DNAH9: variants seen among roughly 807,000 people sequenced by gnomAD.
DNAH9 encodes dynein axonemal heavy chain 9, also known as DNAH9 variant protein.
A neutral mutation model predicts 471.6 loss-of-function variants in DNAH9; 345 were observed. That is an observed-to-expected ratio of 0.73 (90% CI 0.67 to 0.80). DNAH9 has a LOEUF of 0.80. DNAH9 is among the 30% of genes least tolerant of loss of function. The pLI, the probability that DNAH9 is intolerant of heterozygous loss-of-function variation, is 0.00. For synonymous variants in DNAH9, 2,093 were observed against 2,123.6 expected, an observed-to-expected ratio of 0.99 and a Z score of 0.40; for missense variants, 5,407 against 5,609.2, an observed-to-expected ratio of 0.96 and a Z score of 1.15.
intron 63 of DNAH9, among the ~76,000 whole-genome samples, chr17:11,930,561 A>G (rs1472645210): frequency 6.6e-6 from 1 of 152,150 alleles, no homozygotes; most frequent in Non-Finnish European, 1.5e-5. Context: ...ATGTAACTGC[A>G]TGTTAGACCC....
intron 47 of DNAH9, 91 bp downstream of exon 47, chr17:11,822,690 C>T: frequency 2.5e-6 from 4 of 1,591,382 alleles, no homozygotes; most frequent in Non-Finnish European, 3.4e-6. Context: ...AAAGATCAAG[C>T]TTGAAGCATA....
chr17:11,694,833 TTTCTTTCCTTCCTTCC>T (rs1567725713), intron 22 of DNAH9, among the ~76,000 whole-genome samples: 1 of 2,374 alleles, frequency 4.2e-4, no homozygotes, highest in African/African-American at 7.6e-4. Context: ...TCTTTCTTTC[TTTCTTTCCTTCCTTCC>T]TTCCTTCCTT....
At chr17:11,737,996 A>T (rs1189649800) in intron 28 of DNAH9, among the ~76,000 whole-genome samples, 1 of 152,224 alleles carries the variant, frequency 6.6e-6, no homozygotes. Flanking sequence ...TTTACTTAGA[A>T]CAAGCTCAGC....
At chr17:11,662,449 C>G (rs1270944728) in intron 14 of DNAH9, among the ~76,000 whole-genome samples, 1 of 151,992 alleles carries the variant, frequency 6.6e-6, no homozygotes, top group Non-Finnish European at 1.5e-5. Flanking sequence ...TTAATTTTCT[C>G]TCACATAAAA....
intron 28 of DNAH9, among the ~76,000 whole-genome samples, chr17:11,733,877 A>AAG (rs1204003331): frequency 7.6e-6 from 1 of 131,184 alleles, no homozygotes; most frequent in Non-Finnish European, 1.7e-5. Flanking sequence ...AAAAAAAAAA[A>AAG]AAGTAAAACC....
chr17:11,748,660 C>G (rs1338077092), intron 32 of DNAH9, among the ~76,000 whole-genome samples: 1 of 152,146 alleles, frequency 6.6e-6, no homozygotes, highest in Non-Finnish European at 1.5e-5. Context: ...GCCCCCAACC[C>G]TGGGTGCTGA....
chr17:11,960,464 C>CAAAAAAAAAAAAAAAAAAAAAAAA (rs1976026483), intron 67 of DNAH9, among the ~76,000 whole-genome samples: 2 of 86,458 alleles, frequency 2.3e-5, no homozygotes, highest in African/African-American at 4.6e-5. Context: ...AAAAAAAAAT[C>CAAAAAAAAAAAAAAAAAAAAAAAA]CAAAAGTGGC....
intron 61 of DNAH9, among the ~76,000 whole-genome samples, chr17:11,914,921 C>A (rs534803045): frequency 6.6e-6 from 1 of 152,236 alleles, no homozygotes; most frequent in Non-Finnish European, 1.5e-5. Context: ...TTAGTAAATG[C>A]CACCACCATT....
intron 20 of DNAH9, among the ~76,000 whole-genome samples, chr17:11,692,201 G>T (rs1357510223): frequency 6.6e-6 from 1 of 150,868 alleles, no homozygotes; most frequent in Non-Finnish European, 1.5e-5. Flanking sequence ...TTGCAGCTGT[G>T]GGACCTTGGG....
chr17:11,622,968 C>CTTTTTTTTTTTTTTTT (rs10551080), intron 6 of DNAH9, among the ~76,000 whole-genome samples: 2 of 105,384 alleles, frequency 1.9e-5, no homozygotes, highest in African/African-American at 3.8e-5. Context: ...TTTTCTTTTT[C>CTTTTTTTTTTTTTTTT]TTTTTTTTTT....
At chr17:11,804,197 CAATT>C (rs991979995) in intron 43 of DNAH9, among the ~76,000 whole-genome samples, 17 of 152,252 alleles carry the variant, frequency 1.1e-4, no homozygotes, top group Middle Eastern at 3.4e-3. Flanking sequence ...ATAAGTTTCA[CAATT>C]AAATAATTAA....
chr17:11,874,517 C>T (rs907925511), intron 52 of DNAH9, among the ~76,000 whole-genome samples: 2 of 151,798 alleles, frequency 1.3e-5, no homozygotes, highest in African/African-American at 2.4e-5. Flanking sequence ...TGGTTTGTGC[C>T]GGTTGGTACA....
chr17:11,756,809 T>C (rs979129975), intron 34 of DNAH9, 133 bp downstream of exon 34: 4 of 649,918 alleles, frequency 6.2e-6, no homozygotes, highest in Non-Finnish European at 1.1e-5. Context: ...TTTTGTGAAT[T>C]TGGAAATGTT....
intron 50 of DNAH9, among the ~76,000 whole-genome samples, chr17:11,859,694 G>T (rs1448606562): frequency 6.6e-6 from 1 of 152,148 alleles, no homozygotes; most frequent in Non-Finnish European, 1.5e-5. Flanking sequence ...AGGCAATGGG[G>T]AGCCAGAATG....
In DNAH9 at chr17:11,886,844, C is replaced by A. The variant is rs138874996; in HGVS notation, c.10991C>A (p.Thr3664Asn). Residue 3664 changes from threonine to asparagine, a missense_variant, in exon 57 of 69, where the codon ACT becomes AAT. Transcript: ENST00000262442. ...VEKKVQEAKV[T>N]EVKINEAREH... Reference sequence around the variant, plus strand: ...CAACAGGTCCAGGAGGCCAAGGTGACTGAAGTGAAAATCAACGAGGCCCGA... The same window carrying A: ...CAACAGGTCCAGGAGGCCAAGGTGAATGAAGTGAAAATCAACGAGGCCCGA... 5.1e-4 allele frequency: 825 copies of A among 1,612,000 alleles called. 5 individuals carry two copies. In the African/African-American group the frequency reaches 9.1e-3, roughly 18 times the overall value.
chr17:11,679,947 G>GA lies in DNAH9; in HGVS notation c.3546dup (p.Leu1183IlefsTer7), dbSNP rs768686729. The GA allele has an allele frequency of 2.4e-5, 39 of 1,613,926 alleles. No individual in the cohort carries two copies. The highest frequency in any genetic ancestry group is 3.3e-5 in the Non-Finnish European group (39 of 1,179,962). On this transcript the variant is annotated frameshift_variant, in exon 18 of 69. Transcript: ENST00000262442. LOFTEE classifies it high-confidence loss of function. The stretch of plus-strand genomic sequence containing the variant: ...TGAATTGCTGAAGACCTATGAACAA[G>GA]AATTGCCAGAAACAGTGTTTAAGCA...
chr17:11,630,756 G>A (rs901780370), intron 7 of DNAH9, among the ~76,000 whole-genome samples: 1 of 152,068 alleles, frequency 6.6e-6, no homozygotes, highest in Non-Finnish European at 1.5e-5. Context: ...CTTGAAATTC[G>A]CCAAAAGGGT....
At chr17:11,852,468 C>A (rs967433722) in intron 49 of DNAH9, among the ~76,000 whole-genome samples, 1 of 152,038 alleles carries the variant, frequency 6.6e-6, no homozygotes, top group African/African-American at 2.4e-5. Context: ...ATTGGCGGAT[C>A]CCCTTGTGGC....
At chr17:11,827,906 G>A (rs748429184) in intron 48 of DNAH9, among the ~76,000 whole-genome samples, 3 of 151,962 alleles carry the variant, frequency 2.0e-5, no homozygotes, top group African/African-American at 4.8e-5. Context: ...GGCTGGTCTC[G>A]AACTCCTGAC....
Sources: allele counts gnomAD v4.1 joint callset (sites outside exome capture counted in the v4.1 genomes callset), GRCh38; gene constraint gnomAD v4.1.1; transcripts MANE v1.5; gene names NCBI Gene and HGNC (gene_info 2026-07-23, HGNC 2026-07-21).